The following CEP63 variants were observed in gnomAD, a reference collection of about 807,000 sequenced individuals.
CEP63 encodes centrosomal protein 63.
CEP63 carries 84 observed loss-of-function variants against 89.1 expected under a neutral mutation model. That is an observed-to-expected ratio of 0.94 (90% CI 0.79 to 1.13). CEP63 has a LOEUF of 1.13. CEP63 is among the 50% of genes most tolerant of loss of function. The pLI is 0.00. For synonymous variants in CEP63, 267 were observed against 272.5 expected, an observed-to-expected ratio of 0.98 and a Z score of 0.20; for missense variants, 838 against 813.3, an observed-to-expected ratio of 1.03 and a Z score of -0.37.
At chr3:134,667,955 C>T in the CEP63 span, among the ~76,000 whole-genome samples, 4 of 152,186 alleles carry the variant, frequency 2.6e-5, no homozygotes, top group Admixed American at 1.3e-4. Context: ...GATATATAGA[C>T]TTGATAACAG....
At chr3:134,659,627 G>C in the CEP63 span, among the ~76,000 whole-genome samples, 2 of 152,220 alleles carry the variant, frequency 1.3e-5, no homozygotes, top group African/African-American at 4.8e-5. Flanking sequence ...GCCACTCGCA[G>C]GGCTTAGGCA....
rs532696773 is a variant in CEP63 at position 134,562,593 on chromosome 3, C to G, written c.*1058C>G. Reference sequence around the variant, plus strand: ...GCTCTGTATGTTTGCTTCCCTTCACCCAAACACTTCTGGAAAGAGTTGTCT... The same window carrying G: ...GCTCTGTATGTTTGCTTCCCTTCACGCAAACACTTCTGGAAAGAGTTGTCT... On this transcript the variant is annotated 3_prime_UTR_variant, in exon 15 of 15. Transcript: ENST00000675561. The G allele has an allele frequency of 1.3e-5, 2 of 152,192 alleles. No homozygotes were observed. Among genetic ancestry groups the G allele is most frequent in the Admixed American group, 1.3e-4 (2 of 15,284 alleles). 9.4% of individuals were successfully genotyped at this position (152,192 alleles called of 1,614,324 possible). A position where few individuals can be genotyped will look rare whatever the true frequency, so the allele number is the denominator to read the frequency against.
the CEP63 span, among the ~76,000 whole-genome samples, chr3:134,638,577 A>C: frequency 6.6e-6 from 1 of 152,188 alleles, no homozygotes; most frequent in Non-Finnish European, 1.5e-5. Flanking sequence ...AGCATGTTAG[A>C]GATTATTTTC....
At chr3:134,489,879 T>C (rs1187494738) in intron 1 of CEP63, among the ~76,000 whole-genome samples, 3 of 152,206 alleles carry the variant, frequency 2.0e-5, no homozygotes, top group African/African-American at 4.8e-5. Context: ...TTAAACTGTT[T>C]CAACATATGG....
At chr3:134,599,332 G>A in the CEP63 span, among the ~76,000 whole-genome samples, 1 of 152,184 alleles carries the variant, frequency 6.6e-6, no homozygotes, top group South Asian at 2.1e-4. Context: ...TCGTTTTTGT[G>A]GATCTAGCAG....
At chr3:134,568,738 C>G (rs1211165324), downstream of CEP63, among the ~76,000 whole-genome samples, 1 of 152,244 alleles carries the variant, frequency 6.6e-6, no homozygotes, top group Non-Finnish European at 1.5e-5. Flanking sequence ...CAACACCAAG[C>G]AATTCCAGAC....
intron 6 of CEP63, 129 bp from the exon 7 acceptor site, chr3:134,545,455 AAT>A (rs34011308): frequency 0.91 from 559,376 of 616,404 alleles, 251,694 homozygotes; most frequent in African/African-American, 0.96. Flanking sequence ...ACCCCTTCGC[AAT>A]ATATATATAT....
chr3:134,545,039 GCTGC>G (rs1952947911), intron 6 of CEP63, among the ~76,000 whole-genome samples: 1 of 152,046 alleles, frequency 6.6e-6, no homozygotes, highest in African/African-American at 2.4e-5. Flanking sequence ...CTGTCACTAG[GCTGC>G]AGTGCAGTGG....
chr3:134,567,862 C>T (rs1250375643), downstream of CEP63, among the ~76,000 whole-genome samples: 3 of 152,224 alleles, frequency 2.0e-5, no homozygotes, highest in African/African-American at 7.2e-5. Context: ...ATGCTTGGCG[C>T]TAACCTCAGT....
intron 12 of CEP63, chr3:134,552,761 T>G (rs901733383): frequency 6.6e-6 from 1 of 152,148 alleles, no homozygotes; most frequent in Non-Finnish European, 1.5e-5. Context: ...ATTCACATAA[T>G]AAAATATTTT....
At chr3:134,598,232 G>C in the CEP63 span, among the ~76,000 whole-genome samples, 122 of 152,144 alleles carry the variant, frequency 8.0e-4, no homozygotes, top group Non-Finnish European at 1.6e-3. Flanking sequence ...CCCTGTGGTG[G>C]TGCATAACTA....
At chr3:134,744,333 G>A in the CEP63 span, among the ~76,000 whole-genome samples, 1 of 152,210 alleles carries the variant, frequency 6.6e-6, no homozygotes, top group African/African-American at 2.4e-5. Context: ...CCTGAACACA[G>A]CCCAATATAG....
At chr3:134,736,239 G>T in the CEP63 span, among the ~76,000 whole-genome samples, 1 of 152,002 alleles carries the variant, frequency 6.6e-6, no homozygotes, top group Non-Finnish European at 1.5e-5. Context: ...AACACCTGTT[G>T]GAAGCATCAT....
the CEP63 span, among the ~76,000 whole-genome samples, chr3:134,765,992 G>A: frequency 6.6e-6 from 1 of 152,120 alleles, no homozygotes; most frequent in Non-Finnish European, 1.5e-5. Flanking sequence ...TATTTATAGG[G>A]GTCAGAGATG....
the CEP63 span, among the ~76,000 whole-genome samples, chr3:134,615,032 C>A: frequency 6.6e-6 from 1 of 152,226 alleles, no homozygotes; most frequent in African/African-American, 2.4e-5. Context: ...ACAAACAAAC[C>A]ATGACTTATC....
chr3:134,640,980 T>A, the CEP63 span, among the ~76,000 whole-genome samples: 1 of 152,220 alleles, frequency 6.6e-6, no homozygotes, highest in Non-Finnish European at 1.5e-5. Context: ...AACTCTGCCC[T>A]GTGTCCTCTC....
chr3:134,531,889 G>T lies in CEP63; in HGVS notation c.267G>T (p.Lys89Asn). ...HQQVEEHEKIKQEMTMEYKQE... is the reference protein window; with the variant it reads ...HQQVEEHEKINQEMTMEYKQE... Reference sequence around the variant, plus strand: ...AGGTAGAAGAACATGAAAAAATCAAGCAAGAGATGACCATGGAATATAAGC... The same window carrying T: ...AGGTAGAAGAACATGAAAAAATCAATCAAGAGATGACCATGGAATATAAGC... The change falls in exon 4 of 15, where the codon AAG (lysine) becomes AAT (asparagine). Residue 89 changes from lysine to asparagine, a missense_variant. Transcript: ENST00000675561. 5 of 1,613,608 alleles carry T rather than the reference G, an allele frequency of 3.1e-6. No individual in the cohort carries two copies. The highest frequency in any genetic ancestry group is 4.2e-6 in the Non-Finnish European group (5 of 1,179,726).
chr3:134,685,968 C>T, the CEP63 span, among the ~76,000 whole-genome samples: 4 of 152,208 alleles, frequency 2.6e-5, no homozygotes, highest in African/African-American at 9.6e-5. Flanking sequence ...ACCTACATTT[C>T]CTCTTCTAAT....
the CEP63 span, among the ~76,000 whole-genome samples, chr3:134,678,981 T>C: frequency 2.6e-5 from 4 of 152,102 alleles, no homozygotes; most frequent in African/African-American, 7.2e-5. Flanking sequence ...TCAGTACAAA[T>C]TGTCTTGTAG....
Sources: gnomAD v4.1 joint callset for allele counts (sites outside exome capture counted in the v4.1 genomes callset) on GRCh38, gnomAD v4.1.1 for gene constraint, MANE v1.5 for transcripts, NCBI Gene and HGNC (gene_info 2026-07-23, HGNC 2026-07-21) for gene names.